Variants in BCL6 observed in about 807,000 individuals in gnomAD.
BCL6 encodes BCL6 transcription repressor.
A neutral mutation model predicts 59.5 loss-of-function variants in BCL6; 7 were observed. The ratio of observed to expected loss-of-function variants is 0.12; its 90% CI spans 0.07 to 0.22. BCL6 has a LOEUF of 0.22. Ranked by LOEUF, BCL6 falls within the 10% of genes least tolerant of loss-of-function variation. The probability of loss-of-function intolerance (pLI) is 1.00; values close to 1 mark genes in which losing one functional copy is unlikely to be tolerated. For missense variants in BCL6, 685 were observed against 939.4 expected, an observed-to-expected ratio of 0.73 and a Z score of 3.54; for synonymous variants, 339 against 349.7, an observed-to-expected ratio of 0.97 and a Z score of 0.34.
intron 7 of BCL6, among the ~76,000 whole-genome samples, 167 bp downstream of exon 7, chr3:187,726,564 T>G (rs1033032743): frequency 2.0e-5 from 3 of 152,190 alleles, no homozygotes; most frequent in African/African-American, 7.2e-5. Flanking sequence ...GTCGAGTCAC[T>G]AAGCAAAGAC....
intron 3 of BCL6, 104 bp downstream of exon 3, chr3:187,733,429 C>A (rs897264930): frequency 1.5e-6 from 2 of 1,351,472 alleles, no homozygotes; most frequent in East Asian, 4.6e-5. Flanking sequence ...CAAAGCGAGA[C>A]GTCATCCCAG....
At chr3:187,739,494 G>A (rs1193522976) in intron 1 of BCL6, among the ~76,000 whole-genome samples, 1 of 152,230 alleles carries the variant, frequency 6.6e-6, no homozygotes, top group African/African-American at 2.4e-5. Context: ...ATAACGCGAT[G>A]GCCTCGACAG....
intron 1 of BCL6, among the ~76,000 whole-genome samples, chr3:187,744,615 T>G: frequency 6.6e-6 from 1 of 152,140 alleles, no homozygotes; most frequent in East Asian, 1.9e-4. Flanking sequence ...TCGCTTGCAT[T>G]TTTTCCTTCC....
chr3:187,743,412 T>C (rs1373900438), intron 1 of BCL6, among the ~76,000 whole-genome samples: 1 of 152,194 alleles, frequency 6.6e-6, no homozygotes, highest in African/African-American at 2.4e-5. Context: ...AGCTTGGGAC[T>C]TTCAGCACCT....
chr3:187,744,135 A>G (rs1711751919), intron 1 of BCL6, among the ~76,000 whole-genome samples: 1 of 152,274 alleles, frequency 6.6e-6, no homozygotes, highest in East Asian at 1.9e-4. Flanking sequence ...GAAAAAATAA[A>G]ATAAAATTTA....
intron 1 of BCL6, chr3:187,736,641 G>A (rs554128812): frequency 6.6e-6 from 1 of 152,304 alleles, no homozygotes; most frequent in South Asian, 2.1e-4. Flanking sequence ...CTGGGCCTTG[G>A]GCTTTTCACC....
Position 187,729,248 on chromosome 3 carries a change from A to G in BCL6, c.1157T>C (p.Leu386Pro). The G allele has an allele frequency of 6.2e-7, 1 of 1,614,118 alleles. No homozygotes were observed. Among genetic ancestry groups the G allele is most frequent in the Non-Finnish European group, 8.5e-7 (1 of 1,180,020 alleles). Residue 386 changes from leucine to proline, a missense_variant, in exon 5 of 10, where the codon CTC becomes CCC. Physicochemically the swap from Leu to Pro is moderately conservative, Grantham distance 98. This residue lies in a region of BCL6 where 207 missense variants were observed against 213.7 expected (regional missense o/e 0.97). Transcript: ENST00000406870. The surrounding 1 kb of genome is among the most constrained non-coding windows in gnomAD (Gnocchi z 5.6). ...CCCCTCTGGTTTGGCATTCTGGTTG[A>G]GGCTGTTGAGCACGATGAACTTGTA... The part of the protein sequence containing the change: ...KKYKFIVLNS[L>P]NQNAKPEGPE...
Position 187,730,274 on chromosome 3 carries a change from T to C in BCL6, c.384-253A>G, listed in dbSNP as rs547136421. Among the ~76,000 whole-genome samples the C allele has an allele frequency of 2.6e-5, 4 of 152,316 alleles. No homozygotes were observed. In the East Asian group the frequency reaches 5.8e-4, roughly 22 times the overall value. On this transcript the variant is annotated intron_variant, in intron 4 of 9. Transcript: ENST00000406870. Reference sequence around the variant, plus strand: ...ATGATCTATGCCTGATTAGACATAATCTTGTATGTTTAAGGCACATATCTA... The same window carrying C: ...ATGATCTATGCCTGATTAGACATAACCTTGTATGTTTAAGGCACATATCTA...
rs189837402 is a variant in BCL6 at position 187,724,206 on chromosome 3, C to T, written c.1977+735G>A. Among the ~76,000 whole-genome samples, 426 of 152,274 alleles carry T rather than the reference C, an allele frequency of 2.8e-3. 5 individuals are homozygous for T. The highest frequency in any genetic ancestry group is 9.5e-3 in the African/African-American group (395 of 41,552). ...CATAGGCAAAACGTACACAGATGAG[C>T]GTGGCTGTGTTCCAATAACCTTTTA... On this transcript the variant is annotated intron_variant, in intron 9 of 9. Coordinates refer to ENST00000406870, the MANE Select transcript of BCL6 (RefSeq NM_001706.5).
intron 1 of BCL6, among the ~76,000 whole-genome samples, chr3:187,744,699 A>G (rs2108484128): frequency 6.6e-6 from 1 of 152,206 alleles, no homozygotes; most frequent in South Asian, 2.1e-4. Flanking sequence ...GGGGCGAGCG[A>G]GCGGGCAGCC....
chr3:187,722,304 GCCCC>G lies in BCL6; in HGVS notation c.*150_*153del. The stretch of plus-strand genomic sequence containing the variant: ...GCTGCTGCGGCTCCCAGTCCCCCAG[GCCCC>G]GACCCCCACCACCCCCAACCCCCAG... On this transcript the variant is annotated 3_prime_UTR_variant, in exon 10 of 10. Coordinates refer to ENST00000406870, the MANE Select transcript of BCL6 (RefSeq NM_001706.5). The G allele has an allele frequency of 2.3e-5, 7 of 309,310 alleles. No individual in the cohort carries two copies. Among genetic ancestry groups the G allele is most frequent in the East Asian group, 1.1e-4 (2 of 17,942 alleles). 19.2% of individuals were successfully genotyped at this position (309,310 alleles called of 1,614,324 possible). A position where few individuals can be genotyped will look rare whatever the true frequency, so the allele number is the denominator to read the frequency against.
At chr3:187,744,602 A>G (rs568635687) in intron 1 of BCL6, among the ~76,000 whole-genome samples, 1 of 152,224 alleles carries the variant, frequency 6.6e-6, no homozygotes, top group East Asian at 1.9e-4. Flanking sequence ...AAACCCAAAG[A>G]GTTCGCTTGC....
chr3:187,744,614 T>C (rs571857110), intron 1 of BCL6, among the ~76,000 whole-genome samples: 2 of 152,112 alleles, frequency 1.3e-5, no homozygotes, highest in East Asian at 1.9e-4. Context: ...TTCGCTTGCA[T>C]TTTTTCCTTC....
chr3:187,721,648 G>C lies in BCL6; in HGVS notation c.*810C>G. 1 of 232,754 alleles carries C rather than the reference G, an allele frequency of 4.3e-6. No homozygotes were observed. Among genetic ancestry groups the C allele is most frequent in the East Asian group, 6.1e-5 (1 of 16,466 alleles). 14.4% of individuals were successfully genotyped at this position (232,754 alleles called of 1,614,324 possible). ...AGGCACCGTGAGGACACGTTGTACG[G>C]GTATATACAAACTGAAAACTAGAAC... On this transcript the variant is annotated 3_prime_UTR_variant, in exon 10 of 10. Coordinates refer to ENST00000406870, the MANE Select transcript of BCL6 (RefSeq NM_001706.5). This position sits in a 1 kb window ranked among gnomAD's most constrained non-coding sequence, Gnocchi z 4.2.
chr3:187,743,540 A>G (rs1711699904), intron 1 of BCL6, among the ~76,000 whole-genome samples: 1 of 152,162 alleles, frequency 6.6e-6, no homozygotes, highest in Non-Finnish European at 1.5e-5. Flanking sequence ...TTTTTTTAAA[A>G]AATCGGTTTG....
At chr3:187,744,039 C>A (rs1711743615) in intron 1 of BCL6, among the ~76,000 whole-genome samples, 1 of 152,192 alleles carries the variant, frequency 6.6e-6, no homozygotes, top group South Asian at 2.1e-4. Context: ...TTTCTCCTCG[C>A]CCAAGGTAAG....
chr3:187,735,878 T>C (rs1719260348), intron 1 of BCL6, among the ~76,000 whole-genome samples: 2 of 151,644 alleles, frequency 1.3e-5, no homozygotes, highest in South Asian at 4.2e-4. Flanking sequence ...ATTTTCTGGG[T>C]AAAGAGGCCT....
At chr3:187,726,607 A>G (rs1474229819) in intron 7 of BCL6, 124 bp downstream of exon 7, 1 of 1,374,106 alleles carries the variant, frequency 7.3e-7, no homozygotes, top group African/African-American at 1.4e-5. Context: ...TCAGGCCAGG[A>G]TGGGGCCTGC....
Position 187,729,231 on chromosome 3 carries a change from G to C in BCL6, c.1174C>G (p.Pro392Ala). ...VLNSLNQNAK[P>A]EGPEQAELGR... ...AGCTCAGCCTGCTCAGGCCCCTCTGGTTTGGCATTCTGGTTGAGGCTGTTG... is the reference window on the plus strand; with the variant it reads ...AGCTCAGCCTGCTCAGGCCCCTCTGCTTTGGCATTCTGGTTGAGGCTGTTG... Residue 392 changes from proline (P) to alanine (A), a missense_variant, in exon 5 of 10, where the codon CCA becomes GCA. Physicochemically the swap from Pro to Ala is conservative, Grantham distance 27 (BLOSUM62 -1). This residue lies in a region of BCL6 where 207 missense variants were observed against 213.7 expected (regional missense o/e 0.97). Coordinates refer to ENST00000406870, the MANE Select transcript of BCL6 (RefSeq NM_001706.5). This position sits in a 1 kb window ranked among gnomAD's most constrained non-coding sequence, Gnocchi z 5.6. The C allele has an allele frequency of 3.7e-6, 6 of 1,614,180 alleles. No individual in the cohort carries two copies. In the South Asian group the frequency reaches 5.5e-5, roughly 15 times the overall value.
Sources: allele counts gnomAD v4.1 joint callset (sites outside exome capture counted in the v4.1 genomes callset), GRCh38; gene constraint gnomAD v4.1.1; regional missense constraint gnomAD v4.1.1; non-coding constraint Gnocchi (gnomAD v3.1); transcripts MANE v1.5; gene names NCBI Gene and HGNC (gene_info 2026-07-23, HGNC 2026-07-21).